The following KCTD5 variants were observed in gnomAD, a reference collection of about 807,000 sequenced individuals.
The protein encoded by KCTD5 is potassium channel tetramerization domain containing 5.
In KCTD5, 12 loss-of-function variants were observed where a neutral mutation model predicts 27.9. That is an observed-to-expected ratio of 0.43 (90% CI 0.28 to 0.70). The LOEUF (loss-of-function observed/expected upper bound fraction) is 0.70. Ranked by LOEUF, KCTD5 falls within the 30% of genes least tolerant of loss-of-function variation. KCTD5 has a pLI of 0.19. For missense variants in KCTD5, 226 were observed against 274.8 expected (o/e 0.82, Z 1.26); for synonymous variants, 147 against 121.4 (o/e 1.21, Z -1.39).
intron 1 of KCTD5, among the ~76,000 whole-genome samples, chr16:2,688,279 C>T (rs532816886): frequency 5.2e-4 from 77 of 149,108 alleles, no homozygotes; most frequent in Non-Finnish European, 8.1e-4. Flanking sequence ...GAGACGGAGT[C>T]TTGCTCTGTC....
At chr16:2,684,292 A>G (rs1162973450) in intron 1 of KCTD5, 6 of 152,066 alleles carry the variant, frequency 3.9e-5, no homozygotes, top group Non-Finnish European at 8.8e-5. Flanking sequence ...TTCCCAGTTG[A>G]TGAACTTTAG....
chr16:2,699,472 C>T (rs987298396), intron 3 of KCTD5, among the ~76,000 whole-genome samples: 4 of 152,206 alleles, frequency 2.6e-5, no homozygotes, highest in African/African-American at 7.2e-5. Context: ...GAGCCTTTCC[C>T]GACCGATGAA....
Position 2,707,525 on chromosome 16 carries a change from T to G in KCTD5, c.*198T>G, listed in dbSNP as rs76498482. The G allele has an allele frequency of 0.013, 9,385 of 695,798 alleles. 631 individuals carry two copies. In the African/African-American group the frequency reaches 0.14, roughly 11 times the overall value. 43.1% of individuals were successfully genotyped at this position (695,798 alleles called of 1,614,324 possible). A position where few individuals can be genotyped will look rare whatever the true frequency, so the allele number is the denominator to read the frequency against. ...TGTCCAAGGCCAGACGTCCCCAAGT[T>G]GGGGGAGCACGGCGGCCGGGTGGGC... On this transcript the variant is annotated 3_prime_UTR_variant, in exon 6 of 6. Coordinates refer to ENST00000301738, the MANE Select transcript of KCTD5 (RefSeq NM_018992.4).
At chr16:2,697,070 G>A (rs1414054920) in intron 2 of KCTD5, 1 of 152,448 alleles carries the variant, frequency 6.6e-6, no homozygotes, top group African/African-American at 2.4e-5. Context: ...TCACGCCCTG[G>A]GTGCTAGAGA....
intron 3 of KCTD5, 80 bp downstream of exon 3, chr16:2,698,077 C>G: frequency 2.9e-6 from 3 of 1,037,270 alleles, no homozygotes; most frequent in East Asian, 2.5e-5. Context: ...GACCGGCTGC[C>G]TCCCAAATAA....
intron 1 of KCTD5, chr16:2,686,039 TAGGG>T (rs1369001574): frequency 1.6e-4 from 23 of 141,142 alleles, no homozygotes; most frequent in Non-Finnish European, 3.3e-4. Context: ...GACGGGTTGT[TAGGG>T]AGGGTGGTGA....
At position 2,707,808 on chromosome 16, in the gene KCTD5, G is replaced by T. The variant is rs895674090; in HGVS notation, c.*481G>T. 4.6e-5 allele frequency: 12 copies of T among 258,254 alleles called. No homozygotes were observed. The Admixed American group carries it at 4.7e-4, about 10-fold the overall frequency. The allele number at this position is 258,254 out of a possible 1,614,324, so 16.0% of individuals were successfully genotyped here. On this transcript the variant is annotated 3_prime_UTR_variant, in exon 6 of 6. Transcript: ENST00000301738. Reference sequence around the variant, plus strand: ...GGAGTCTGCTCTGCCTCCCAGGCGGGATCGCTGGTTTCTCTCGACCTCGCA... The same window carrying T: ...GGAGTCTGCTCTGCCTCCCAGGCGGTATCGCTGGTTTCTCTCGACCTCGCA...
At chr16:2,692,076 G>T (rs2067569255) in intron 1 of KCTD5, among the ~76,000 whole-genome samples, 1 of 152,182 alleles carries the variant, frequency 6.6e-6, no homozygotes, top group African/African-American at 2.4e-5. Flanking sequence ...ACTGTGGCCA[G>T]AGCTCTCACT....
Position 2,707,408 on chromosome 16 carries a change from G to A in KCTD5, c.*81G>A, listed in dbSNP as rs1248828180. On this transcript the variant is annotated 3_prime_UTR_variant, in exon 6 of 6. Coordinates refer to ENST00000301738, the MANE Select transcript of KCTD5 (RefSeq NM_018992.4). ...ACTGCCATGTCCAGGAAGCTTGGCT[G>A]TGAGAAGAAACCTGCTTTTGATCAT... 2 of 1,415,644 alleles carry A rather than the reference G, an allele frequency of 1.4e-6. No homozygotes were observed. The highest frequency in any genetic ancestry group is 1.7e-5 in the Admixed American group (1 of 59,698). The allele number at this position is 1,415,644 out of a possible 1,614,324, so 87.7% of individuals were successfully genotyped here. A position where few individuals can be genotyped will look rare whatever the true frequency, so the allele number is the denominator to read the frequency against.
intron 1 of KCTD5, among the ~76,000 whole-genome samples, chr16:2,687,896 C>T (rs2067547574): frequency 6.6e-6 from 1 of 152,170 alleles, no homozygotes; most frequent in Non-Finnish European, 1.5e-5. Flanking sequence ...TGGGCGTCAA[C>T]TCGGCAGTTC....
intron 2 of KCTD5, 107 bp from the exon 3 acceptor site, chr16:2,697,799 A>G: frequency 1.3e-6 from 1 of 780,072 alleles, no homozygotes; most frequent in South Asian, 1.6e-5. Context: ...GGGCCGAGCC[A>G]TGGGCCCTCA....
chr16:2,682,542 T>C lies in KCTD5; in HGVS notation c.-7T>C. On this transcript the variant is annotated 5_prime_UTR_variant, in exon 1 of 6. Coordinates refer to ENST00000301738, the MANE Select transcript of KCTD5 (RefSeq NM_018992.4). ...GGAAGGGAGCTGTTGCGGGGCTTGCTGGGATCATGGCGGAGAATCACTGCG... is the reference window on the plus strand; with the variant it reads ...GGAAGGGAGCTGTTGCGGGGCTTGCCGGGATCATGGCGGAGAATCACTGCG... 5.0e-6 allele frequency: 7 copies of C among 1,399,074 alleles called. No individual in the cohort carries two copies. Among genetic ancestry groups the C allele is most frequent in the East Asian group, 2.8e-5 (1 of 36,346 alleles). 86.7% of individuals were successfully genotyped at this position (1,399,074 alleles called of 1,614,324 possible).
intron 1 of KCTD5, among the ~76,000 whole-genome samples, chr16:2,692,696 C>A (rs1714381295): frequency 1.3e-5 from 2 of 152,236 alleles, no homozygotes; most frequent in Admixed American, 6.5e-5. Context: ...CCCTCCCTGG[C>A]CTGAAGGTGG....
At chr16:2,682,948 T>A in intron 1 of KCTD5, 148 bp downstream of exon 1, 1 of 1,026,782 alleles carries the variant, frequency 9.7e-7, no homozygotes, top group Non-Finnish European at 1.3e-6. Context: ...CGCCAGCTCC[T>A]CCCCAGCTTG....
intron 1 of KCTD5, among the ~76,000 whole-genome samples, chr16:2,687,015 C>T (rs377215953): frequency 7.2e-5 from 11 of 152,192 alleles, no homozygotes; most frequent in East Asian, 1.9e-4. Context: ...GCTCTGAGCA[C>T]GATCTTCGCT....
intron 1 of KCTD5, among the ~76,000 whole-genome samples, chr16:2,688,243 A>ATATATATATATATATATATATT (rs1282831421): frequency 9.3e-5 from 6 of 64,264 alleles, no homozygotes; most frequent in African/African-American, 3.0e-4. Flanking sequence ...ATATATATAT[A>ATATATATATATATATATATATT]TATTTATTTA....
chr16:2,699,555 C>T (rs768835939), intron 3 of KCTD5, among the ~76,000 whole-genome samples: 2 of 152,232 alleles, frequency 1.3e-5, no homozygotes, highest in Non-Finnish European at 2.9e-5. Flanking sequence ...GCCACAGGTG[C>T]TCTTGGGATT....
intron 4 of KCTD5, among the ~76,000 whole-genome samples, chr16:2,701,275 C>T (rs2067610927): frequency 6.6e-6 from 1 of 152,208 alleles, no homozygotes; most frequent in Non-Finnish European, 1.5e-5. Context: ...CTGCTTGGCA[C>T]GCTTCATCCC....
chr16:2,699,710 T>C (rs1486530701), intron 3 of KCTD5, 111 bp from the exon 4 acceptor site: 2 of 904,224 alleles, frequency 2.2e-6, no homozygotes, highest in Non-Finnish European at 3.6e-6. Context: ...TCGTGCCCTG[T>C]GCTGAGAACT....
Sources: allele counts gnomAD v4.1 joint callset (sites outside exome capture counted in the v4.1 genomes callset), GRCh38; gene constraint gnomAD v4.1.1; transcripts MANE v1.5; gene names NCBI Gene and HGNC (gene_info 2026-07-23, HGNC 2026-07-21).